CNTN5: variants seen among roughly 807,000 people sequenced by gnomAD.
The protein encoded by CNTN5 is contactin 5, also known as contactin-5.
In CNTN5, 77 loss-of-function variants were observed where a neutral mutation model predicts 129.1. The observed-to-expected ratio is 0.60, with a 90% confidence interval of 0.50 to 0.72. The LOEUF (loss-of-function observed/expected upper bound fraction) is 0.72. Ranked by LOEUF, CNTN5 falls within the 30% of genes least tolerant of loss-of-function variation. The pLI, the probability that CNTN5 is intolerant of heterozygous loss-of-function variation, is 0.00. For synonymous variants in CNTN5, 509 were observed against 465.6 expected (o/e 1.09, Z -1.20); for missense variants, 1,478 against 1,328.8 (o/e 1.11, Z -1.75).
chr11:100,002,459 A>T (rs1939935451), intron 9 of CNTN5, among the ~76,000 whole-genome samples: 1 of 152,180 alleles, frequency 6.6e-6, no homozygotes, highest in Non-Finnish European at 1.5e-5. Flanking sequence ...TATGTAAATA[A>T]AGAAGATAGA....
chr11:100,329,738 G>C (rs1049516630), intron 21 of CNTN5, among the ~76,000 whole-genome samples: 2 of 152,148 alleles, frequency 1.3e-5, no homozygotes, highest in Non-Finnish European at 2.9e-5. Context: ...AATAACTATG[G>C]TTCAGTTCTC....
chr11:99,967,982 C>T (rs779225220), intron 8 of CNTN5, among the ~76,000 whole-genome samples: 1 of 152,164 alleles, frequency 6.6e-6, no homozygotes, highest in African/African-American at 2.4e-5. Context: ...TAAATGCCAA[C>T]AAATATTAAC....
chr11:99,255,762 T>A (rs902611521), intron 1 of CNTN5, among the ~76,000 whole-genome samples: 2 of 151,234 alleles, frequency 1.3e-5, no homozygotes, highest in Non-Finnish European at 3.0e-5. Flanking sequence ...TATTTATATA[T>A]TTTATATATA....
At chr11:100,073,222 T>C (rs1943998997) in intron 12 of CNTN5, among the ~76,000 whole-genome samples, 1 of 151,890 alleles carries the variant, frequency 6.6e-6, no homozygotes, top group Non-Finnish European at 1.5e-5. Context: ...GATTTTTGCA[T>C]TTTCAGTAGA....
chr11:99,769,236 A>G (rs924913448), intron 3 of CNTN5, among the ~76,000 whole-genome samples: 1 of 152,128 alleles, frequency 6.6e-6, no homozygotes, highest in Non-Finnish European at 1.5e-5. Context: ...TGAAGCAACA[A>G]AATACTCAGG....
At chr11:99,515,061 C>A (rs1946995356) in intron 2 of CNTN5, among the ~76,000 whole-genome samples, 1 of 151,828 alleles carries the variant, frequency 6.6e-6, no homozygotes, top group African/African-American at 2.4e-5. Flanking sequence ...ATCATAAGGG[C>A]TAAGCAAAAT....
At chr11:99,391,661 A>T (rs1801485102) in intron 2 of CNTN5, among the ~76,000 whole-genome samples, 1 of 152,076 alleles carries the variant, frequency 6.6e-6, no homozygotes, top group South Asian at 2.1e-4. Flanking sequence ...AAGGTAGGGC[A>T]TTAAGCCTCA....
chr11:99,077,736 T>A (rs775894358), intron 1 of CNTN5, among the ~76,000 whole-genome samples: 1 of 152,134 alleles, frequency 6.6e-6, no homozygotes, highest in Non-Finnish European at 1.5e-5. Flanking sequence ...GTTCTGTTAG[T>A]GAATCAGTTC....
At chr11:99,038,377 A>G (rs981700379) in intron 1 of CNTN5, among the ~76,000 whole-genome samples, 3 of 152,144 alleles carry the variant, frequency 2.0e-5, no homozygotes, top group Non-Finnish European at 4.4e-5. Flanking sequence ...GAGTGATCAG[A>G]TCAGCGTAAT....
intron 16 of CNTN5, among the ~76,000 whole-genome samples, chr11:100,250,715 T>G (rs2138710312): frequency 6.6e-6 from 1 of 152,278 alleles, no homozygotes; most frequent in East Asian, 1.9e-4. Context: ...TAAAGAGGAT[T>G]TATTATGTTG....
intron 9 of CNTN5, among the ~76,000 whole-genome samples, chr11:100,047,128 GGAAAAACTAA>G (rs1196206329): frequency 6.6e-6 from 1 of 151,780 alleles, no homozygotes; most frequent in Non-Finnish European, 1.5e-5. Context: ...TGTACAGGGC[GGAAAAACTAA>G]GAAAAACTAG....
At chr11:99,511,608 C>T (rs978290581) in intron 2 of CNTN5, among the ~76,000 whole-genome samples, 54 of 151,956 alleles carry the variant, frequency 3.6e-4, no homozygotes, top group African/African-American at 1.2e-3. Flanking sequence ...TGTTAACTTT[C>T]TGTCTCGTTG....
chr11:100,041,577 C>A (rs962858479), intron 9 of CNTN5, among the ~76,000 whole-genome samples: 1 of 152,138 alleles, frequency 6.6e-6, no homozygotes, highest in Non-Finnish European at 1.5e-5. Context: ...TTGCTGGATA[C>A]AAGGATTTTC....
chr11:100,070,282 G>T, intron 10 of CNTN5, 142 bp from the exon 11 acceptor site: 1 of 708,130 alleles, frequency 1.4e-6, no homozygotes, highest in Non-Finnish European at 2.2e-6. Context: ...TGTGTGTAAC[G>T]CAATGCTGTG....
At chr11:99,885,781 A>T (rs538825214) in intron 6 of CNTN5, among the ~76,000 whole-genome samples, 1 of 152,138 alleles carries the variant, frequency 6.6e-6, no homozygotes, top group Non-Finnish European at 1.5e-5. Context: ...AAACGGCACA[A>T]CTCCAAGTGT....
chr11:100,143,142 C>T (rs1766944501), intron 13 of CNTN5, among the ~76,000 whole-genome samples: 1 of 152,166 alleles, frequency 6.6e-6, no homozygotes, highest in African/African-American at 2.4e-5. Context: ...CCAAGGGCTA[C>T]TCAACTTGAA....
rs745847335 is a variant in CNTN5 at position 99,845,277 on chromosome 11, T to A, written c.577+15T>A. ...GCAGTTTGCCTGTGAGTAAAATATA[T>A]GATTTTTCTATATATATGTATATAG... On this transcript the variant is annotated intron_variant, in intron 6 of 24. Coordinates refer to ENST00000524871, the MANE Select transcript of CNTN5 (RefSeq NM_014361.4). The A allele has an allele frequency of 1.3e-6, 2 of 1,570,154 alleles. No individual in the cohort carries two copies. The highest frequency in any genetic ancestry group is 2.3e-5 in the South Asian group (2 of 87,572).
chr11:100,268,730 G>C (rs1172555167), intron 17 of CNTN5, among the ~76,000 whole-genome samples: 1 of 152,120 alleles, frequency 6.6e-6, no homozygotes, highest in Non-Finnish European at 1.5e-5. Context: ...AAATCTTTCT[G>C]CCAAGATAAG....
chr11:99,043,070 T>A (rs1864068306), intron 1 of CNTN5, among the ~76,000 whole-genome samples: 1 of 152,106 alleles, frequency 6.6e-6, no homozygotes, highest in Admixed American at 6.5e-5. Context: ...TATAAGAAAA[T>A]AAAGAGTAAA....
Sources: gnomAD v4.1 joint callset for allele counts (sites outside exome capture counted in the v4.1 genomes callset) on GRCh38, gnomAD v4.1.1 for gene constraint, MANE v1.5 for transcripts, NCBI Gene and HGNC (gene_info 2026-07-23, HGNC 2026-07-21) for gene names.